NCALD: variants seen among roughly 807,000 people sequenced by gnomAD.
The protein encoded by NCALD is neurocalcin delta, also known as neurocalcin-delta.
In NCALD, 10 loss-of-function variants were observed where a neutral mutation model predicts 18.6. The ratio of observed to expected loss-of-function variants is 0.54; its 90% CI spans 0.33 to 0.91. The LOEUF is 0.91. Ranked by LOEUF, NCALD falls within the 40% of genes least tolerant of loss-of-function variation. NCALD has a pLI of 0.03. For synonymous variants in NCALD, 88 were observed against 87.4 expected (o/e 1.01, Z -0.04); for missense variants, 184 against 247.6 (o/e 0.74, Z 1.72).
At chr8:101,943,640 T>C (rs1315633740) in intron 2 of NCALD, among the ~76,000 whole-genome samples, 1 of 152,102 alleles carries the variant, frequency 6.6e-6, no homozygotes, top group Non-Finnish European at 1.5e-5. Flanking sequence ...GTGAATCTAA[T>C]TAACAGGGGC....
intron 1 of NCALD, among the ~76,000 whole-genome samples, chr8:102,025,531 A>G (rs1002344135): frequency 6.6e-6 from 1 of 152,000 alleles, no homozygotes; most frequent in Non-Finnish European, 1.5e-5. Flanking sequence ...CTCCAGCCTT[A>G]CTCCTTCTGT....
intron 2 of NCALD, among the ~76,000 whole-genome samples, chr8:101,956,393 G>A (rs767733849): frequency 3.9e-5 from 6 of 152,122 alleles, no homozygotes; most frequent in East Asian, 1.9e-4. Flanking sequence ...CCGGCAGAAA[G>A]AGACACCTAA....
At chr8:102,034,843 G>T (rs982671051) in intron 1 of NCALD, among the ~76,000 whole-genome samples, 5 of 152,116 alleles carry the variant, frequency 3.3e-5, no homozygotes, top group African/African-American at 9.7e-5. Context: ...TTGGCCTAGG[G>T]CTAACCTCAT....
At chr8:101,921,992 G>A (rs1481840678) in intron 2 of NCALD, among the ~76,000 whole-genome samples, 1 of 150,986 alleles carries the variant, frequency 6.6e-6, no homozygotes, top group South Asian at 2.1e-4. Flanking sequence ...TGCCCAGGCT[G>A]GAATGCAGTG....
chr8:101,822,493 A>G (rs1054146373), intron 4 of NCALD, among the ~76,000 whole-genome samples: 1 of 152,114 alleles, frequency 6.6e-6, no homozygotes, highest in Admixed American at 6.5e-5. Flanking sequence ...CTGGCTTCCA[A>G]TTAGATCCAA....
At chr8:101,708,208 T>A (rs1815622182) in intron 2 of NCALD, among the ~76,000 whole-genome samples, 1 of 152,188 alleles carries the variant, frequency 6.6e-6, no homozygotes, top group Non-Finnish European at 1.5e-5. Context: ...CCTGGAAACA[T>A]GATTATTTCT....
At chr8:101,824,262 G>C (rs887345830) in intron 4 of NCALD, among the ~76,000 whole-genome samples, 2 of 152,140 alleles carry the variant, frequency 1.3e-5, no homozygotes, top group African/African-American at 4.8e-5. Flanking sequence ...AGCCCTCTCA[G>C]CTTCCACTGG....
chr8:101,823,828 T>C (rs1020122810), intron 4 of NCALD, among the ~76,000 whole-genome samples: 2 of 152,130 alleles, frequency 1.3e-5, no homozygotes, highest in African/African-American at 4.8e-5. Flanking sequence ...AACAATTATA[T>C]AGGGGAATGC....
rs902873259 is a variant in NCALD, at chr8:101,999,010, T to C, written c.-157+21227A>G. Among the ~76,000 whole-genome samples the C allele has an allele frequency of 1.1e-4, 16 of 151,536 alleles. No homozygotes were observed. The South Asian group carries it at 1.7e-3, about 16-fold the overall frequency. The stretch of plus-strand genomic sequence containing the variant: ...GCAAATTACAGCTAATATTCCTCTT[T>C]TCTAACTTCTACTCCTGGTTTGAAA... On this transcript the variant is annotated intron_variant, in intron 2 of 6. Transcript: ENST00000311028.
rs1303117190 is a variant in NCALD, at chr8:101,896,247, A to G, written c.-106-9020T>C. On this transcript the variant is annotated intron_variant, in intron 3 of 6. Coordinates refer to the NCALD transcript ENST00000311028. ...CCATCTGATCTTTGACAAACCTGAG[A>G]AAAACAAGCAATGGGGAAAGGATTC... 1.8e-3 allele frequency among the ~76,000 whole-genome samples: 271 copies of G among 152,190 alleles called. 2 individuals are homozygous for G. Among genetic ancestry groups the G allele is most frequent in the African/African-American group, 5.8e-3 (242 of 41,468 alleles).
chr8:101,931,243 T>C (rs565095302), intron 2 of NCALD, among the ~76,000 whole-genome samples: 1 of 152,318 alleles, frequency 6.6e-6, no homozygotes, highest in Non-Finnish European at 1.5e-5. Context: ...TGATTTGGAC[T>C]TTACAAAAGA....
At chr8:102,106,807 G>A (rs144529992) in intron 1 of NCALD, among the ~76,000 whole-genome samples, 2 of 152,232 alleles carry the variant, frequency 1.3e-5, no homozygotes, top group African/African-American at 4.8e-5. Context: ...TGTGGAATTA[G>A]GAGAGTTTCT....
At chr8:102,104,075 C>T (rs973414694) in intron 1 of NCALD, among the ~76,000 whole-genome samples, 5 of 152,180 alleles carry the variant, frequency 3.3e-5, no homozygotes, top group Non-Finnish European at 7.3e-5. Context: ...TCTGAGGTCG[C>T]GTAGCCTCAA....
At chr8:101,864,152 G>C (rs535802869) in intron 4 of NCALD, among the ~76,000 whole-genome samples, 1 of 152,254 alleles carries the variant, frequency 6.6e-6, no homozygotes, top group African/African-American at 2.4e-5. Flanking sequence ...CAATCTATAA[G>C]ACACTTAAAG....
intron 2 of NCALD, among the ~76,000 whole-genome samples, chr8:101,972,725 T>C (rs146811493): frequency 1.3e-5 from 2 of 152,274 alleles, no homozygotes; most frequent in Non-Finnish European, 2.9e-5. Flanking sequence ...ATATAGTTAA[T>C]ATTGAGATAA....
At chr8:101,833,573 T>C (rs866851734) in intron 4 of NCALD, among the ~76,000 whole-genome samples, 19 of 151,500 alleles carry the variant, frequency 1.3e-4, no homozygotes, top group Middle Eastern at 6.8e-3. Context: ...TTTTTTTCCA[T>C]GAGCAATTAA....
intron 4 of NCALD, among the ~76,000 whole-genome samples, chr8:101,848,131 C>A (rs1170764442): frequency 2.0e-5 from 3 of 152,010 alleles, no homozygotes; most frequent in African/African-American, 4.8e-5. Context: ...AGCCATGGAG[C>A]CCCTATCTCA....
Position 101,688,541 on chromosome 8 carries a change from A to C in NCALD, c.*768T>G. ...TTCATTTAAACAAGGCAAAACACTT[A>C]ATTTGGTCTGCATTACCCAATATGT... is the stretch of plus-strand genomic sequence containing the variant. On this transcript the variant is annotated 3_prime_UTR_variant, in exon 4 of 4. Transcript: ENST00000220931. 1 of 381,918 alleles carries C rather than the reference A, an allele frequency of 2.6e-6. No homozygotes were observed. The highest frequency in any genetic ancestry group is 7.2e-5 in the East Asian group (1 of 13,802). 23.7% of individuals were successfully genotyped at this position (381,918 alleles called of 1,614,324 possible). A position where few individuals can be genotyped will look rare whatever the true frequency, so the allele number is the denominator to read the frequency against.
chr8:101,713,783 T>C (rs530010390), intron 2 of NCALD, among the ~76,000 whole-genome samples: 13 of 152,280 alleles, frequency 8.5e-5, no homozygotes, highest in African/African-American at 2.9e-4. Flanking sequence ...ATTGAGGCAA[T>C]AATTGATAGC....
Sources: allele counts gnomAD v4.1 joint callset (sites outside exome capture counted in the v4.1 genomes callset), GRCh38; gene constraint gnomAD v4.1.1; transcripts MANE v1.5; gene names NCBI Gene and HGNC (gene_info 2026-07-23, HGNC 2026-07-21).